The following LDLRAD3 variants were observed in gnomAD, a reference collection of about 807,000 sequenced individuals.
LDLRAD3 encodes low density lipoprotein receptor class A domain containing 3.
A neutral mutation model predicts 29.4 loss-of-function variants in LDLRAD3; 20 were observed. That is an observed-to-expected ratio of 0.68 (90% confidence interval 0.48 to 0.99). The LOEUF (loss-of-function observed/expected upper bound fraction) is 0.99, where lower values mean the gene tolerates loss of function less well. Among genes scored for constraint, LDLRAD3 ranks in the 50% least tolerant of loss-of-function variants. LDLRAD3 has a pLI of 0.00. For missense variants in LDLRAD3, 420 were observed against 454.3 expected (o/e 0.92, Z 0.69); for synonymous variants, 157 against 192.7 (o/e 0.81, Z 1.53).
intron 4 of LDLRAD3, among the ~76,000 whole-genome samples, chr11:36,212,164 G>A (rs1376364165): frequency 6.6e-6 from 1 of 152,118 alleles, no homozygotes; most frequent in South Asian, 2.1e-4. Flanking sequence ...TCATATATAG[G>A]AATCTGGATC....
chr11:35,947,330 G>GA (rs1272972785), intron 1 of LDLRAD3, among the ~76,000 whole-genome samples: 1 of 151,986 alleles, frequency 6.6e-6, no homozygotes, highest in Non-Finnish European at 1.5e-5. Context: ...CCAACATGGT[G>GA]AAACCGTCGT....
intron 1 of LDLRAD3, among the ~76,000 whole-genome samples, chr11:35,959,413 A>G (rs1272355252): frequency 1.3e-5 from 2 of 152,172 alleles, no homozygotes; most frequent in African/African-American, 4.8e-5. Context: ...ATTGCAGTTT[A>G]TTTATGCTTG....
At chr11:36,046,874 G>A (rs945054538) in intron 2 of LDLRAD3, among the ~76,000 whole-genome samples, 3 of 152,188 alleles carry the variant, frequency 2.0e-5, no homozygotes, top group Non-Finnish European at 4.4e-5. Flanking sequence ...AGCAGGAAGG[G>A]TGATTCAAAT....
chr11:36,227,064 C>T, intron 4 of LDLRAD3, 21 bp from the exon 5 acceptor site: 1 of 1,532,926 alleles, frequency 6.5e-7, no homozygotes. Context: ...TCTCTTTTCT[C>T]TCCTCTCTTG....
intron 4 of LDLRAD3, among the ~76,000 whole-genome samples, chr11:36,132,295 G>T (rs1403859179): frequency 5.9e-5 from 9 of 152,296 alleles, no homozygotes; most frequent in Non-Finnish European, 1.2e-4. Flanking sequence ...GTTGGAAAAT[G>T]TGTCTCAATA....
chr11:36,156,690 CCCT>C (rs2133333222), intron 4 of LDLRAD3, among the ~76,000 whole-genome samples: 1 of 152,310 alleles, frequency 6.6e-6, no homozygotes, highest in South Asian at 2.1e-4. Flanking sequence ...TCATCCCCTC[CCCT>C]CCTCATGGCA....
intron 3 of LDLRAD3, among the ~76,000 whole-genome samples, chr11:36,082,093 T>C (rs1489643304): frequency 6.6e-6 from 1 of 152,216 alleles, no homozygotes; most frequent in Non-Finnish European, 1.5e-5. Flanking sequence ...CATTAACTCA[T>C]CCAGGGTCAC....
At chr11:36,031,134 G>A (rs1362469017) in intron 1 of LDLRAD3, among the ~76,000 whole-genome samples, 2 of 151,544 alleles carry the variant, frequency 1.3e-5, no homozygotes, top group Non-Finnish European at 2.9e-5. Flanking sequence ...TAAGTGATGT[G>A]CTGCAGTGAA....
At chr11:36,015,816 T>C (rs1400965455) in intron 1 of LDLRAD3, among the ~76,000 whole-genome samples, 1 of 152,204 alleles carries the variant, frequency 6.6e-6, no homozygotes, top group Admixed American at 6.5e-5. Context: ...CTCCACCCAC[T>C]TGGGTTGCAA....
intron 4 of LDLRAD3, among the ~76,000 whole-genome samples, chr11:36,131,723 T>C (rs1216112278): frequency 1.3e-5 from 2 of 152,252 alleles, no homozygotes; most frequent in Non-Finnish European, 2.9e-5. Context: ...TACCTGGGTG[T>C]ATTTTGTCCA....
At chr11:36,066,245 T>C (rs1175435125) in intron 2 of LDLRAD3, among the ~76,000 whole-genome samples, 1 of 152,096 alleles carries the variant, frequency 6.6e-6, no homozygotes, top group Non-Finnish European at 1.5e-5. Flanking sequence ...GATGATACCT[T>C]TACTGAAAGA....
chr11:35,987,206 A>G (rs1851626176), intron 1 of LDLRAD3, among the ~76,000 whole-genome samples: 1 of 152,222 alleles, frequency 6.6e-6, no homozygotes, highest in African/African-American at 2.4e-5. Flanking sequence ...TCTTGCTGGC[A>G]AGAAACTACT....
chr11:36,145,163 T>G (rs1590306184), intron 4 of LDLRAD3, among the ~76,000 whole-genome samples: 1 of 84,680 alleles, frequency 1.2e-5, no homozygotes. Flanking sequence ...GGTGGGGGGG[T>G]CAGCCCCCCG....
At chr11:36,153,023 C>T (rs1351136692) in intron 4 of LDLRAD3, among the ~76,000 whole-genome samples, 1 of 152,122 alleles carries the variant, frequency 6.6e-6, no homozygotes, top group Non-Finnish European at 1.5e-5. Context: ...AGGTCCTGCT[C>T]ACCTGGGTTC....
Position 36,151,699 on chromosome 11 carries a change from C to A in LDLRAD3, c.454+53238C>A, listed in dbSNP as rs571752000. Among the ~76,000 whole-genome samples, 5 of 152,246 alleles carry A rather than the reference C, an allele frequency of 3.3e-5. No homozygotes were observed. In the East Asian group the frequency reaches 9.7e-4, roughly 29 times the overall value. ...GATAAATGTATATTGGTCAAAATCCCCAGTCCTGTCTAGTGCCAGTTACAC... is the reference window on the plus strand; with the variant it reads ...GATAAATGTATATTGGTCAAAATCCACAGTCCTGTCTAGTGCCAGTTACAC... On this transcript the variant is annotated intron_variant, in intron 4 of 5. Coordinates refer to ENST00000315571, the MANE Select transcript of LDLRAD3 (RefSeq NM_174902.4).
chr11:36,169,601 T>C (rs1375495500), intron 4 of LDLRAD3, among the ~76,000 whole-genome samples: 1 of 152,210 alleles, frequency 6.6e-6, no homozygotes, highest in African/African-American at 2.4e-5. Context: ...CCAGTTCTAG[T>C]TCCTGTCATT....
chr11:36,189,206 C>T (rs1240961758), intron 4 of LDLRAD3, among the ~76,000 whole-genome samples: 1 of 152,180 alleles, frequency 6.6e-6, no homozygotes, highest in Non-Finnish European at 1.5e-5. Context: ...AACCCCTAGG[C>T]TGGATGCAGT....
chr11:35,988,389 G>T (rs916584291), intron 1 of LDLRAD3, among the ~76,000 whole-genome samples: 1 of 151,994 alleles, frequency 6.6e-6, no homozygotes, highest in African/African-American at 2.4e-5. Flanking sequence ...GTGGCTGTTC[G>T]TGTCTTTTGC....
At chr11:36,079,547 G>C (rs1853076802) in intron 2 of LDLRAD3, among the ~76,000 whole-genome samples, 1 of 152,204 alleles carries the variant, frequency 6.6e-6, no homozygotes, top group Non-Finnish European at 1.5e-5. Flanking sequence ...GATACAACTG[G>C]TTGGGGCTGA....
Sources: gnomAD v4.1 joint callset for allele counts (sites outside exome capture counted in the v4.1 genomes callset) on GRCh38, gnomAD v4.1.1 for gene constraint, MANE v1.5 for transcripts, NCBI Gene and HGNC (gene_info 2026-07-23, HGNC 2026-07-21) for gene names.